RGS7: variants seen among roughly 807,000 people sequenced by gnomAD.
RGS7 encodes the protein regulator of G protein signaling 7.
In RGS7, 27 loss-of-function variants were observed where a neutral mutation model predicts 81.1. The observed-to-expected ratio is 0.33, with a 90% CI of 0.25 to 0.46. The LOEUF is 0.46. Ranked by LOEUF, RGS7 falls within the 20% of genes least tolerant of loss-of-function variation. RGS7 has a pLI of 1.00. For synonymous variants in RGS7, 208 were observed against 207.7 expected (o/e 1.00, Z -0.01); for missense variants, 396 against 607.4 (o/e 0.65, Z 3.66).
intron 2 of RGS7, among the ~76,000 whole-genome samples, chr1:241,199,612 C>T (rs1021985897): frequency 1.3e-5 from 2 of 148,870 alleles, no homozygotes; most frequent in Admixed American, 1.3e-4. Flanking sequence ...AAAGCCAAAA[C>T]ATGTGAGGAT....
intron 2 of RGS7, among the ~76,000 whole-genome samples, chr1:241,107,948 T>C (rs373472434): frequency 6.6e-6 from 1 of 151,528 alleles, no homozygotes; most frequent in Admixed American, 6.6e-5. Flanking sequence ...CAGAAAAAAG[T>C]GTAAGAAAAG....
At chr1:240,788,172 C>T (rs374059669) in intron 18 of RGS7, among the ~76,000 whole-genome samples, 3 of 152,162 alleles carry the variant, frequency 2.0e-5, no homozygotes, top group Admixed American at 6.5e-5. Context: ...TTTTTGTGTT[C>T]AGCTTAATTT....
At chr1:241,247,080 G>C (rs377100184) in intron 2 of RGS7, among the ~76,000 whole-genome samples, 2 of 152,064 alleles carry the variant, frequency 1.3e-5, no homozygotes, top group East Asian at 3.9e-4. Flanking sequence ...CTTTAAAAGG[G>C]AATATGTTCT....
intron 9 of RGS7, among the ~76,000 whole-genome samples, chr1:240,844,520 A>C (rs946778580): frequency 5.9e-5 from 9 of 152,218 alleles, no homozygotes; most frequent in Non-Finnish European, 8.8e-5. Flanking sequence ...CCAACTTAAT[A>C]ATAGGGGAAG....
intron 2 of RGS7, among the ~76,000 whole-genome samples, chr1:241,213,975 A>G (rs896207651): frequency 6.6e-6 from 1 of 152,122 alleles, no homozygotes; most frequent in Non-Finnish European, 1.5e-5. Flanking sequence ...TATGTTGCTC[A>G]GGCTGGTCTC....
At chr1:240,864,799 T>C (rs904048370) in intron 9 of RGS7, among the ~76,000 whole-genome samples, 1 of 152,100 alleles carries the variant, frequency 6.6e-6, no homozygotes, top group African/African-American at 2.4e-5. Flanking sequence ...AAAAAAGAGA[T>C]GGCTATGGGA....
intron 2 of RGS7, among the ~76,000 whole-genome samples, chr1:241,307,701 C>T (rs1251624590): frequency 6.6e-6 from 1 of 152,146 alleles, no homozygotes; most frequent in Non-Finnish European, 1.5e-5. Flanking sequence ...AGAAATTTGA[C>T]AGGAGTAAGA....
rs555936065 is a variant in RGS7 at position 240,857,108 on chromosome 1, C to T, written c.609+11479G>A. Among the ~76,000 whole-genome samples, 6 of 152,298 alleles carry T rather than the reference C, an allele frequency of 3.9e-5. No individual in the cohort carries two copies. In the South Asian group the frequency reaches 1.2e-3, roughly 32 times the overall value. On this transcript the variant is annotated intron_variant, in intron 9 of 18. Coordinates refer to ENST00000440928, the MANE Select transcript of RGS7 (RefSeq NM_001364886.1). ...TTCACTTTATCTGCTGATATCACCA[C>T]ATGACGCTGTTTTGTTCTTGTGGTC...
At chr1:241,145,579 C>A (rs936634469) in intron 2 of RGS7, among the ~76,000 whole-genome samples, 5 of 152,112 alleles carry the variant, frequency 3.3e-5, no homozygotes, top group Admixed American at 6.5e-5. Flanking sequence ...CACCTGAGGT[C>A]AGGATTTCAA....
rs566107993 is a variant in RGS7, at chr1:240,786,727, A to T, written c.*7-10514T>A. Among the ~76,000 whole-genome samples the T allele has an allele frequency of 3.9e-3, 599 of 152,318 alleles. 6 individuals are homozygous for T. Among genetic ancestry groups the T allele is most frequent in the African/African-American group, 0.013 (554 of 41,556 alleles). ...ACAATAGAAAAATTAATATTTTTTA[A>T]AAAATGTGTCAAATATGGGTATCAT... On this transcript the variant is annotated intron_variant, in intron 18 of 18. Coordinates refer to ENST00000440928, the MANE Select transcript of RGS7 (RefSeq NM_001364886.1).
intron 2 of RGS7, among the ~76,000 whole-genome samples, chr1:241,228,482 G>T (rs1461664323): frequency 6.6e-6 from 1 of 152,078 alleles, no homozygotes; most frequent in Admixed American, 6.6e-5. Flanking sequence ...ACTACTATGG[G>T]CATTGAGCCC....
chr1:240,979,062 A>AT (rs1684551294), intron 4 of RGS7, among the ~76,000 whole-genome samples: 1 of 152,238 alleles, frequency 6.6e-6, no homozygotes, highest in African/African-American at 2.4e-5. Context: ...AAGAAAAGGC[A>AT]TTACAGGTAT....
At chr1:241,021,811 G>C (rs74367603) in intron 3 of RGS7, among the ~76,000 whole-genome samples, 4,795 of 152,250 alleles carry the variant, frequency 0.031, 185 homozygotes, top group African/African-American at 0.093. Flanking sequence ...GCTGAGATTT[G>C]AAGCACTAAC....
At chr1:241,020,248 T>C (rs1285802388) in intron 3 of RGS7, among the ~76,000 whole-genome samples, 4 of 152,228 alleles carry the variant, frequency 2.6e-5, no homozygotes, top group Admixed American at 1.3e-4. Flanking sequence ...ATTCATTTCC[T>C]AGGGCTGTCA....
intron 2 of RGS7, among the ~76,000 whole-genome samples, chr1:241,261,390 G>C (rs1451488738): frequency 6.6e-6 from 1 of 151,768 alleles, no homozygotes; most frequent in Non-Finnish European, 1.5e-5. Flanking sequence ...GGAGGCCGAG[G>C]CAGGTAGATC....
At chr1:240,969,368 T>G (rs1682844637) in intron 4 of RGS7, among the ~76,000 whole-genome samples, 1 of 152,188 alleles carries the variant, frequency 6.6e-6, no homozygotes, top group Non-Finnish European at 1.5e-5. Context: ...AGGACAATTG[T>G]GCATCGTCCA....
At chr1:241,242,336 A>AGATAGATAGATAGAT (rs2076304454) in intron 2 of RGS7, among the ~76,000 whole-genome samples, 1 of 152,152 alleles carries the variant, frequency 6.6e-6, no homozygotes, top group African/African-American at 2.4e-5. Flanking sequence ...ATAGATAGAT[A>AGATAGATAGATAGAT]GATAGATAGA....
At chr1:241,036,684 C>A (rs564110086) in intron 3 of RGS7, among the ~76,000 whole-genome samples, 2 of 152,254 alleles carry the variant, frequency 1.3e-5, no homozygotes, top group African/African-American at 4.8e-5. Context: ...TAGTTAGGAA[C>A]AAGGATTAGA....
chr1:241,320,834 G>A (rs1401389833), intron 2 of RGS7, among the ~76,000 whole-genome samples: 1 of 152,178 alleles, frequency 6.6e-6, no homozygotes, highest in Non-Finnish European at 1.5e-5. Context: ...GCTGTGGGGT[G>A]TGGGGACAAG....
Sources: allele counts gnomAD v4.1 joint callset (sites outside exome capture counted in the v4.1 genomes callset), GRCh38; gene constraint gnomAD v4.1.1; transcripts MANE v1.5; gene names NCBI Gene and HGNC (gene_info 2026-07-23, HGNC 2026-07-21).